Variants in TSC2 observed in about 807,000 individuals in gnomAD.
TSC2 encodes TSC complex subunit 2.
TSC2 carries 29 observed loss-of-function variants against 202.2 expected under a neutral mutation model. That is an observed-to-expected ratio of 0.14 (90% CI 0.11 to 0.20). The LOEUF (loss-of-function observed/expected upper bound fraction) is 0.20. Among genes scored for constraint, TSC2 ranks in the 10% least tolerant of loss-of-function variants. The pLI, the probability that TSC2 is intolerant of heterozygous loss-of-function variation, is 1.00. For synonymous variants in TSC2, 1,349 were observed against 1,044.0 expected, an observed-to-expected ratio of 1.29 and a Z score of -5.63; for missense variants, 2,429 against 2,420.0, an observed-to-expected ratio of 1.00 and a Z score of -0.08.
At position 2,071,841 on chromosome 16, in the gene TSC2, G is replaced by T. The variant is rs746307631; in HGVS notation, c.2004G>T (p.Gly668=). The change falls in exon 19 of 42, where the codon GGG becomes GGT. Residue 668 remains glycine, a synonymous_variant. Transcript: ENST00000219476. ...GCGGCCCCCTTTCTCCTCCCACAGG[G>T]CCTCCTGGCCCGGCGCCTGCAGGCC... ...KTSGPLSPPT[G]PPGPAPAGPA... 6.4e-7 allele frequency: 1 copy of T among 1,570,930 alleles called. No individual in the cohort carries two copies. The highest frequency in any genetic ancestry group is 8.6e-7 in the Non-Finnish European group (1 of 1,162,816).
At chr16:2,053,212 T>C (rs2085340905) in intron 3 of TSC2, 130 bp from the exon 4 acceptor site, 1 of 890,792 alleles carries the variant, frequency 1.1e-6, no homozygotes, top group Non-Finnish European at 1.8e-6. Context: ...ATACGAGCTT[T>C]GGAGGTGGGG....
intron 33 of TSC2, 113 bp from the exon 34 acceptor site, chr16:2,084,115 G>C: frequency 1.3e-6 from 2 of 1,530,952 alleles, no homozygotes; most frequent in East Asian, 4.9e-5. Context: ...TGCTCGGGCT[G>C]GTCTGTGGCC....
chr16:2,086,616 G>A (rs2151581344), intron 37 of TSC2, 116 bp from the exon 38 acceptor site: 2 of 1,516,264 alleles, frequency 1.3e-6, no homozygotes, highest in South Asian at 1.2e-5. Context: ...GGCACCAGAG[G>A]ACGTGGTCCC....
At chr16:2,080,123 TCAG>T in intron 29 of TSC2, 39 bp from the exon 30 acceptor site, 1 of 1,609,304 alleles carries the variant, frequency 6.2e-7, no homozygotes, top group East Asian at 2.2e-5. Flanking sequence ...TGGTTTTGCA[TCAG>T]GTAAGTGGTG....
intron 29 of TSC2, 131 bp from the exon 30 acceptor site, chr16:2,080,034 A>G: frequency 7.8e-7 from 1 of 1,281,520 alleles, no homozygotes; most frequent in South Asian, 1.3e-5. Flanking sequence ...CCGTGCCCCA[A>G]GGGCAGAGCT....
chr16:2,083,759 G>A lies in TSC2; in HGVS notation c.3948G>A (p.Gly1316=), dbSNP rs763278787. 6.2e-7 allele frequency: 1 copy of A among 1,610,184 alleles called. No homozygotes were observed. Among genetic ancestry groups the A allele is most frequent in the Non-Finnish European group, 8.5e-7 (1 of 1,179,126 alleles). ...TTCCTGTGCTGGTGGAGCCCCCAGG[G>A]TTGGAGGACGTTGAGGCAGCGCTAG... ...GEVPVLVEPP[G]LEDVEAALGM... is the part of the protein sequence containing the mutation. The change falls in exon 33 of 42, where the codon GGG becomes GGA. Residue 1316 remains glycine (G), a synonymous_variant. Transcript: ENST00000219476.
In TSC2 at chr16:2,079,167, C is replaced by T. The variant is rs562998574; in HGVS notation, c.3102C>T (p.Val1034=). The part of the protein sequence containing the change: ...ETCLDMMARY[V]FSNFTAVPKR... ...GTCTGGACATGATGGCTCGATACGT[C>T]TTCTCCAACTTCACGGCTGTCCCGA... is the stretch of plus-strand genomic sequence containing the variant. The change falls in exon 27 of 42, where the codon GTC becomes GTT. Residue 1034 remains valine, a synonymous_variant. Transcript: ENST00000219476. The surrounding 1 kb of genome is among the most constrained non-coding windows in gnomAD (Gnocchi z 4.6). The T allele has an allele frequency of 1.1e-5, 18 of 1,612,974 alleles. No individual in the cohort carries two copies. In the East Asian group the frequency reaches 1.6e-4, roughly 14 times the overall value.
intron 37 of TSC2, among the ~76,000 whole-genome samples, 154 bp downstream of exon 37, chr16:2,086,533 G>A (rs2090817458): frequency 6.6e-6 from 1 of 152,216 alleles, no homozygotes; most frequent in Non-Finnish European, 1.5e-5. Context: ...GCGTGGGCAT[G>A]GAGGCAGTGA....
chr16:2,064,026 G>T, intron 14 of TSC2: 1 of 585,322 alleles, frequency 1.7e-6, no homozygotes, highest in South Asian at 1.9e-5. Flanking sequence ...TGTGGGCCCC[G>T]TGTCTGTGCC....
rs2086518199 is a variant in TSC2 at position 2,060,679 on chromosome 16, T to A, written c.985T>A (p.Cys329Ser). ...CGGGCTCGTGTTCCAGGCCATGGCATGTCCGAACGAGGTGGTGTCCTATGA... is the reference window on the plus strand; with the variant it reads ...CGGGCTCGTGTTCCAGGCCATGGCAAGTCCGAACGAGGTGGTGTCCTATGA... ...VLPSFYQAMA[C>S]PNEVVSYEIV... Residue 329 changes from cysteine (C) to serine (S), a missense_variant, in exon 11 of 42, where the codon TGT becomes AGT. By Grantham distance (112) the Cys-to-Ser change is moderately radical. Coordinates refer to ENST00000219476, the MANE Select transcript of TSC2 (RefSeq NM_000548.5). 6.2e-7 allele frequency: 1 copy of A among 1,614,050 alleles called. No homozygotes were observed. Among genetic ancestry groups the A allele is most frequent in the African/African-American group, 1.3e-5 (1 of 75,040 alleles).
In TSC2 at chr16:2,088,824, A is replaced by C; in HGVS notation, c.*214A>C. On this transcript the variant is annotated 3_prime_UTR_variant, in exon 42 of 42. Coordinates refer to ENST00000219476, the MANE Select transcript of TSC2 (RefSeq NM_000548.5). ...GTGGTACACAGAAGCAGGCACAGCC[A>C]GCTCCGAGGGCCTTGAGGCTGCCTG... 2 of 650,214 alleles carry C rather than the reference A, an allele frequency of 3.1e-6. No homozygotes were observed. Among genetic ancestry groups the C allele is most frequent in the East Asian group, 2.8e-5 (1 of 35,644 alleles). 40.3% of individuals were successfully genotyped at this position (650,214 alleles called of 1,614,324 possible).
intron 3 of TSC2, 126 bp from the exon 4 acceptor site, chr16:2,053,216 G>A: frequency 2.2e-6 from 2 of 916,200 alleles, no homozygotes; most frequent in Non-Finnish European, 3.5e-6. Context: ...GAGCTTTGGA[G>A]GTGGGGCTCT....
At chr16:2,087,663 G>A (rs2091006433) in intron 38 of TSC2, among the ~76,000 whole-genome samples, 200 bp from the exon 39 acceptor site, 1 of 152,232 alleles carries the variant, frequency 6.6e-6, no homozygotes, top group Non-Finnish European at 1.5e-5. Context: ...TGCAGCATAT[G>A]TGGGTGCTGC....
Position 2,079,756 on chromosome 16 carries a change from C to T in TSC2, c.3397+87C>T. On this transcript the variant is annotated intron_variant, in intron 29 of 41. Coordinates refer to ENST00000219476, the MANE Select transcript of TSC2 (RefSeq NM_000548.5). The surrounding 1 kb of genome is among the most constrained non-coding windows in gnomAD (Gnocchi z 4.6). ...CCAGTGTTCAGGAAGGCCCCGAGCC[C>T]AGGGGCCGGGGTGGCTGGCTTCAGG... 1.4e-6 allele frequency: 2 copies of T among 1,397,190 alleles called. No homozygotes were observed. Among genetic ancestry groups the T allele is most frequent in the South Asian group, 1.3e-5 (1 of 75,214 alleles). The allele number at this position is 1,397,190 out of a possible 1,614,324, so 86.5% of individuals were successfully genotyped here. A position where few individuals can be genotyped will look rare whatever the true frequency, so the allele number is the denominator to read the frequency against.
chr16:2,082,315 G>T, intron 31 of TSC2, 121 bp from the exon 32 acceptor site: 2 of 1,156,140 alleles, frequency 1.7e-6, no homozygotes, highest in South Asian at 1.2e-5. Context: ...CCCCGTGCGC[G>T]CCCCTGCCGG....
chr16:2,081,741 C>A lies in TSC2; in HGVS notation c.3757C>A (p.Leu1253Met). Residue 1253 changes from leucine (L) to methionine (M), a missense_variant, in exon 31 of 42, where the codon CTG becomes ATG. Transcript: ENST00000219476. ...CCGGGACACAGCCCTGTACAAGTCA[C>A]TGTCGGTGCCGGCAGCCAGCACGGC... ...EHRDTALYKSLSVPAASTAKP... is the reference protein window; with the variant it reads ...EHRDTALYKSMSVPAASTAKP... 1 of 1,612,930 alleles carries A rather than the reference C, an allele frequency of 6.2e-7. No individual in the cohort carries two copies. Among genetic ancestry groups the A allele is most frequent in the Non-Finnish European group, 8.5e-7 (1 of 1,180,022 alleles).
rs758743700 is a variant in TSC2 at position 2,079,242 on chromosome 16, G to A, written c.3132-34G>A. Reference sequence around the variant, plus strand: ...CTGGGCGGGCCTGCGGGAGCTCCACGGGCAAGCTGGGTTTCACGCTCCCTG... The same window carrying A: ...CTGGGCGGGCCTGCGGGAGCTCCACAGGCAAGCTGGGTTTCACGCTCCCTG... On this transcript the variant is annotated intron_variant, in intron 27 of 41. Transcript: ENST00000219476. The surrounding 1 kb of genome is among the most constrained non-coding windows in gnomAD (Gnocchi z 4.6). The A allele has an allele frequency of 1.7e-5, 27 of 1,612,874 alleles. No individual in the cohort carries two copies. Among genetic ancestry groups the A allele is most frequent in the South Asian group, 3.3e-5 (3 of 91,080 alleles).
At position 2,076,590 on chromosome 16, in the gene TSC2, G is replaced by A. The variant is rs786203791; in HGVS notation, c.2837+5G>A. Reference sequence around the variant, plus strand: ...TCTCAACGAGAGACCCAAGAGGTACGGCCTGCGGGGGTGTGCCTGGAGTCG... The same window carrying A: ...TCTCAACGAGAGACCCAAGAGGTACAGCCTGCGGGGGTGTGCCTGGAGTCG... On this transcript the variant is annotated splice_donor_5th_base_variant and intron_variant, in intron 25 of 41. Transcript: ENST00000219476. 9 of 1,612,866 alleles carry A rather than the reference G, an allele frequency of 5.6e-6. No individual in the cohort carries two copies. The highest frequency in any genetic ancestry group is 2.2e-5 in the South Asian group (2 of 91,080).
chr16:2,055,865 TG>T (rs1329052250), intron 6 of TSC2: 1 of 432,674 alleles, frequency 2.3e-6, no homozygotes, highest in Non-Finnish European at 4.1e-6. Flanking sequence ...CACTCCAGCC[TG>T]GGTGAAAGAG....
Sources: gnomAD v4.1 joint callset for allele counts (sites outside exome capture counted in the v4.1 genomes callset) on GRCh38, gnomAD v4.1.1 for gene constraint, Gnocchi (gnomAD v3.1) non-coding constraint, MANE v1.5 for transcripts, NCBI Gene and HGNC (gene_info 2026-07-23, HGNC 2026-07-21) for gene names.